ATP2C1: variants seen among roughly 807,000 people sequenced by gnomAD.
ATP2C1 encodes the protein ATPase secretory pathway Ca2+ transporting 1.
In ATP2C1, 31 loss-of-function variants were observed where a neutral mutation model predicts 120.5. The observed-to-expected ratio is 0.26, with a 90% CI of 0.19 to 0.35. The LOEUF (loss-of-function observed/expected upper bound fraction) is 0.35. Ranked by LOEUF, ATP2C1 falls within the 10% of genes least tolerant of loss-of-function variation. The probability of loss-of-function intolerance (pLI) is 1.00; values close to 1 mark genes in which losing one functional copy is unlikely to be tolerated. For synonymous variants in ATP2C1, 351 were observed against 358.7 expected (o/e 0.98, Z 0.24); for missense variants, 731 against 1,107.5 (o/e 0.66, Z 4.83).
At chr3:130,920,629 G>C (rs994968707) in intron 2 of ATP2C1, among the ~76,000 whole-genome samples, 12 of 151,986 alleles carry the variant, frequency 7.9e-5, no homozygotes, top group Non-Finnish European at 1.6e-4. Flanking sequence ...CTCCAGCTTT[G>C]TTCTTTTACA....
chr3:130,973,381 A>G (rs2061414385), intron 17 of ATP2C1, among the ~76,000 whole-genome samples: 1 of 152,208 alleles, frequency 6.6e-6, no homozygotes, highest in African/African-American at 2.4e-5. Flanking sequence ...GGGAGATCAT[A>G]TAAAAGGGCT....
At chr3:130,983,095 CATAT>C (rs199917612) in intron 20 of ATP2C1, among the ~76,000 whole-genome samples, 2 of 151,062 alleles carry the variant, frequency 1.3e-5, no homozygotes, top group Admixed American at 1.3e-4. Flanking sequence ...GCATAGCATG[CATAT>C]ATATATATAG....
chr3:130,975,037 C>T (rs1292608298), intron 17 of ATP2C1, among the ~76,000 whole-genome samples: 2 of 152,150 alleles, frequency 1.3e-5, no homozygotes, highest in Non-Finnish European at 2.9e-5. Context: ...TATTTCTCTT[C>T]CATTTCCTGT....
chr3:130,959,385 T>C (rs1269451160), intron 12 of ATP2C1, 44 bp downstream of exon 12: 1 of 1,332,440 alleles, frequency 7.5e-7, no homozygotes, highest in Non-Finnish European at 1.1e-6. Context: ...TTGCCTCTTT[T>C]ATTTCTCTAA....
chr3:130,925,508 C>T (rs936541430), intron 2 of ATP2C1, among the ~76,000 whole-genome samples: 4 of 152,018 alleles, frequency 2.6e-5, no homozygotes, highest in African/African-American at 9.7e-5. Context: ...CTGTGAGGGT[C>T]CTTGGTTGTG....
At position 130,913,024 on chromosome 3, in the gene ATP2C1, A is replaced by G. The variant is rs1240172906; in HGVS notation, c.7-17392A>G. On this transcript the variant is annotated intron_variant, in intron 2 of 27. Coordinates refer to ENST00000510168, the MANE Select transcript of ATP2C1 (RefSeq NM_001378687.1). ...AAGAACAAAAAACCAAACACCACATATTCTCACTCATAGGTGGGAATTGAA... is the reference window on the plus strand; with the variant it reads ...AAGAACAAAAAACCAAACACCACATGTTCTCACTCATAGGTGGGAATTGAA... 5.4e-4 allele frequency among the ~76,000 whole-genome samples: 77 copies of G among 141,468 alleles called. 3 individuals are homozygous for G. The Admixed American group carries it at 5.5e-3, about 10-fold the overall frequency. 92.8% of individuals were successfully genotyped at this position (141,468 alleles called of 152,430 possible). A position where few individuals can be genotyped will look rare whatever the true frequency, so the allele number is the denominator to read the frequency against.
chr3:130,951,049 A>G (rs530872452), intron 8 of ATP2C1, among the ~76,000 whole-genome samples: 1 of 152,276 alleles, frequency 6.6e-6, no homozygotes, highest in South Asian at 2.1e-4. Flanking sequence ...CTCTTTCCTA[A>G]TTAAGATCTT....
intron 1 of ATP2C1, among the ~76,000 whole-genome samples, chr3:130,879,303 G>A (rs860411): frequency 0.45 from 69,108 of 151,970 alleles, 18,656 homozygotes; most frequent in Non-Finnish European, 0.6. Context: ...TCCTGACCTC[G>A]TGATCCACCT....
At chr3:130,943,395 T>G (rs895181816) in intron 8 of ATP2C1, among the ~76,000 whole-genome samples, 2 of 152,104 alleles carry the variant, frequency 1.3e-5, no homozygotes, top group African/African-American at 2.4e-5. Flanking sequence ...TTTAGTATTT[T>G]TAGTAGAGAC....
intron 1 of ATP2C1, among the ~76,000 whole-genome samples, chr3:130,862,552 T>C (rs560695871): frequency 2.6e-4 from 40 of 152,266 alleles, no homozygotes; most frequent in Admixed American, 1.0e-3. Context: ...GTTAATTGTT[T>C]TTCATTAGAG....
At chr3:131,011,073 T>G (rs2063300904) in intron 26 of ATP2C1, among the ~76,000 whole-genome samples, 1 of 152,236 alleles carries the variant, frequency 6.6e-6, no homozygotes, top group Non-Finnish European at 1.5e-5. Context: ...ATTTATTTCC[T>G]TTTGTGCACA....
At chr3:130,887,818 A>G (rs1442419711) in intron 1 of ATP2C1, among the ~76,000 whole-genome samples, 1 of 152,194 alleles carries the variant, frequency 6.6e-6, no homozygotes, top group African/African-American at 2.4e-5. Context: ...TTGTTGGTCT[A>G]ACCCACTCTG....
In ATP2C1 at chr3:130,993,937, A is replaced by G. The variant is rs1287244848; in HGVS notation, c.1896A>G (p.Leu632=). 3.7e-6 allele frequency: 6 copies of G among 1,614,106 alleles called. No individual in the cohort carries two copies. Among genetic ancestry groups the G allele is most frequent in the Non-Finnish European group, 5.1e-6 (6 of 1,179,984 alleles). ...TGTCCTCTGCTCCACTCTAGTCGCT[A>G]CAGAAGAACGGTTCAGTTGTAGCCA... ...PRHKMKIIKS[L]QKNGSVVAMT... Residue 632 remains leucine (L), a synonymous_variant, in exon 22 of 28, where the codon CTA becomes CTG. Coordinates refer to ENST00000510168, the MANE Select transcript of ATP2C1 (RefSeq NM_001378687.1).
intron 2 of ATP2C1, among the ~76,000 whole-genome samples, chr3:130,913,008 A>G (rs1433699016): frequency 6.8e-6 from 1 of 146,496 alleles, no homozygotes; most frequent in African/African-American, 2.5e-5. Context: ...CAAGAACAAA[A>G]AACCAAACAC....
chr3:130,874,468 G>T (rs552631318), intron 1 of ATP2C1, among the ~76,000 whole-genome samples: 65 of 152,148 alleles, frequency 4.3e-4, no homozygotes, highest in Non-Finnish European at 8.2e-4. Context: ...AATTCATATT[G>T]TATTATACTC....
intron 20 of ATP2C1, among the ~76,000 whole-genome samples, chr3:130,991,243 A>T (rs905159421): frequency 6.6e-6 from 1 of 152,160 alleles, no homozygotes; most frequent in African/African-American, 2.4e-5. Flanking sequence ...ATGGTGTTTC[A>T]GGAGGGACTA....
chr3:130,970,195 G>A (rs2061235011), intron 17 of ATP2C1, among the ~76,000 whole-genome samples: 1 of 152,036 alleles, frequency 6.6e-6, no homozygotes, highest in South Asian at 2.1e-4. Context: ...GTGTGTGCCT[G>A]TAGTCCCAGC....
At chr3:130,983,780 C>T (rs2061879161) in intron 20 of ATP2C1, among the ~76,000 whole-genome samples, 1 of 152,140 alleles carries the variant, frequency 6.6e-6, no homozygotes, top group South Asian at 2.1e-4. Context: ...CCTTTGCAGA[C>T]TGGATTTTTT....
intron 26 of ATP2C1, chr3:131,013,823 G>A: frequency 2.6e-6 from 1 of 391,008 alleles, no homozygotes; most frequent in Non-Finnish European, 4.5e-6. Context: ...TTGCTGAAAT[G>A]GAACATGAGA....
Sources: allele counts gnomAD v4.1 joint callset (sites outside exome capture counted in the v4.1 genomes callset), GRCh38; gene constraint gnomAD v4.1.1; transcripts MANE v1.5; gene names NCBI Gene and HGNC (gene_info 2026-07-23, HGNC 2026-07-21).